Variants in PPP3CC observed in about 807,000 individuals in gnomAD.
The protein encoded by PPP3CC is serine/threonine-protein phosphatase 2B catalytic subunit gamma isoform.
Under a neutral mutation model 60.3 loss-of-function variants are expected in PPP3CC, and 35 were observed. The ratio of observed to expected loss-of-function variants is 0.58; its 90% CI spans 0.44 to 0.77. The LOEUF is 0.77. Ranked by LOEUF, PPP3CC falls within the 30% of genes least tolerant of loss-of-function variation. The pLI, the probability that PPP3CC is intolerant of heterozygous loss-of-function variation, is 0.00. For missense variants in PPP3CC, 570 were observed against 628.9 expected (o/e 0.91, Z 1.00); for synonymous variants, 206 against 224.3 (o/e 0.92, Z 0.73).
intron 5 of PPP3CC, 39 bp downstream of exon 5, chr8:22,511,270 A>T (rs1195115268): frequency 1.3e-6 from 2 of 1,587,022 alleles, no homozygotes; most frequent in South Asian, 1.1e-5. Flanking sequence ...GAATATTTTT[A>T]AAATGTGTTG....
intron 1 of PPP3CC, among the ~76,000 whole-genome samples, chr8:22,448,441 G>A (rs745314915): frequency 6.7e-6 from 1 of 149,344 alleles, no homozygotes; most frequent in Non-Finnish European, 1.5e-5. Flanking sequence ...ATGCAATAGC[G>A]TGATCTCGGC....
chr8:22,498,412 C>G (rs1838654360), intron 4 of PPP3CC, among the ~76,000 whole-genome samples: 1 of 152,102 alleles, frequency 6.6e-6, no homozygotes, highest in Non-Finnish European at 1.5e-5. Flanking sequence ...CCACTCTACT[C>G]CAGCCTGGGC....
chr8:22,490,940 A>G (rs1838385772), intron 3 of PPP3CC, among the ~76,000 whole-genome samples: 1 of 152,194 alleles, frequency 6.6e-6, no homozygotes, highest in East Asian at 1.9e-4. Flanking sequence ...TTATAGCAGC[A>G]TGACTTATAA....
At chr8:22,491,765 T>G (rs1451836905) in intron 3 of PPP3CC, among the ~76,000 whole-genome samples, 1 of 152,174 alleles carries the variant, frequency 6.6e-6, no homozygotes, top group African/African-American at 2.4e-5. Flanking sequence ...TTTGATGTAA[T>G]TTGATTAAAG....
Position 22,441,206 on chromosome 8 carries a change from T to C in PPP3CC, c.-204T>C. On this transcript the variant is annotated 5_prime_UTR_variant, in exon 1 of 14. Transcript: ENST00000240139. ...TGGCGCCTCCCAAGAGAGCGGCCGG[T>C]GGGCCCTCGTCCTGTCAGTGGCGTC... is the stretch of plus-strand genomic sequence containing the variant. The C allele has an allele frequency of 2.3e-6, 1 of 434,006 alleles. No homozygotes were observed. The highest frequency in any genetic ancestry group is 4.0e-6 in the Non-Finnish European group (1 of 248,306). 26.9% of individuals were successfully genotyped at this position (434,006 alleles called of 1,614,324 possible).
intron 6 of PPP3CC, among the ~76,000 whole-genome samples, chr8:22,515,891 A>T (rs912047448): frequency 3.3e-5 from 5 of 150,534 alleles, no homozygotes; most frequent in Non-Finnish European, 5.9e-5. Flanking sequence ...GGATAGTAAA[A>T]AGTCTTTTTT....
chr8:22,504,922 A>G (rs1211721019), intron 4 of PPP3CC, among the ~76,000 whole-genome samples: 1 of 151,578 alleles, frequency 6.6e-6, no homozygotes, highest in East Asian at 1.9e-4. Flanking sequence ...TTTTCTTTGA[A>G]GGAACCTCGT....
chr8:22,508,624 TATCAATGTAAGATGTTATGGAGCATAA>T (rs1306696899), intron 4 of PPP3CC, among the ~76,000 whole-genome samples: 1 of 152,204 alleles, frequency 6.6e-6, no homozygotes, highest in Admixed American at 6.6e-5. Context: ...GAAAGGCATT[TATCAATGTAAGATGTTATGGAGCATAA>T]ATTAATAAGT....
intron 6 of PPP3CC, among the ~76,000 whole-genome samples, chr8:22,517,113 C>T (rs969383867): frequency 6.6e-6 from 1 of 152,146 alleles, no homozygotes; most frequent in African/African-American, 2.4e-5. Context: ...TAGAATGTAG[C>T]TACTGGGAAT....
chr8:22,444,544 G>T (rs987870269), intron 1 of PPP3CC, among the ~76,000 whole-genome samples: 3 of 152,162 alleles, frequency 2.0e-5, no homozygotes, highest in Non-Finnish European at 4.4e-5. Context: ...GTGAAATCTC[G>T]TCGGTAACAA....
At chr8:22,530,829 CAAAAAAAAAAA>C (rs58626647) in intron 10 of PPP3CC, among the ~76,000 whole-genome samples, 1,444 of 58,138 alleles carry the variant, frequency 0.025, 28 homozygotes, top group African/African-American at 0.071. Flanking sequence ...AGACTCATCT[CAAAAAAAAAAA>C]AAAAAAAAAA....
At chr8:22,477,620 G>A (rs950105553) in intron 3 of PPP3CC, among the ~76,000 whole-genome samples, 1 of 152,026 alleles carries the variant, frequency 6.6e-6, no homozygotes, top group African/African-American at 2.4e-5. Context: ...TTCTAATTAG[G>A]CATTTTATTT....
chr8:22,519,302 A>G (rs1014474332), intron 6 of PPP3CC, among the ~76,000 whole-genome samples: 1 of 152,176 alleles, frequency 6.6e-6, no homozygotes, highest in Admixed American at 6.5e-5. Context: ...TGTAGACAGC[A>G]TGTAGTTGGG....
chr8:22,489,895 C>G (rs988367907), intron 3 of PPP3CC, among the ~76,000 whole-genome samples: 1 of 150,774 alleles, frequency 6.6e-6, no homozygotes, highest in Non-Finnish European at 1.5e-5. Flanking sequence ...GATCTCAGCT[C>G]ACTGCAACCT....
At chr8:22,512,874 C>T (rs1005428549) in intron 5 of PPP3CC, among the ~76,000 whole-genome samples, 1 of 151,974 alleles carries the variant, frequency 6.6e-6, no homozygotes, top group African/African-American at 2.4e-5. Flanking sequence ...GTCAGGAGTT[C>T]GAGACCAGCC....
rs1442386624 is a variant in PPP3CC, at chr8:22,511,188, G to C, written c.587G>C (p.Gly196Ala). Residue 196 changes from glycine to alanine, a missense_variant, in exon 5 of 14, where the codon GGA (glycine) becomes GCA (alanine). Gly to Ala is a moderately conservative substitution (Grantham distance 60). Transcript: ENST00000240139. ...AACCAGCAGTTTCTCTGTGTACATG[G>C]AGGAATGTCACCTGAAATTACTTCT... ...LLNQQFLCVH[G>A]GMSPEITSLD... 6.2e-7 allele frequency: 1 copy of C among 1,613,674 alleles called. No homozygotes were observed. The highest frequency in any genetic ancestry group is 1.1e-5 in the South Asian group (1 of 91,068).
In PPP3CC at chr8:22,461,180, A is replaced by G. The variant is rs987362563; in HGVS notation, c.50-13774A>G. Among the ~76,000 whole-genome samples the G allele has an allele frequency of 7.9e-5, 12 of 152,220 alleles. No homozygotes were observed. The South Asian group carries it at 8.3e-4, about 11-fold the overall frequency. On this transcript the variant is annotated intron_variant, in intron 1 of 13. Coordinates refer to ENST00000240139, the MANE Select transcript of PPP3CC (RefSeq NM_005605.5). ...CTTTATTTACAGCACTTTGTGAGCC[A>G]TATTTAGCAAACATAGTTCCACATA...
At chr8:22,527,603 A>G in intron 9 of PPP3CC, 86 bp downstream of exon 9, 4 of 1,445,884 alleles carry the variant, frequency 2.8e-6, no homozygotes, top group Non-Finnish European at 3.7e-6. Flanking sequence ...TGATTCAGAA[A>G]TGTTTTCTAA....
Position 22,540,877 on chromosome 8 carries a change from A to G in PPP3CC, c.*75A>G. The G allele has an allele frequency of 7.5e-7, 1 of 1,332,444 alleles. No individual in the cohort carries two copies. Among genetic ancestry groups the G allele is most frequent in the South Asian group, 1.8e-5 (1 of 55,808 alleles). The allele number at this position is 1,332,444 out of a possible 1,614,324, so 82.5% of individuals were successfully genotyped here. A position where few individuals can be genotyped will look rare whatever the true frequency, so the allele number is the denominator to read the frequency against. ...CTATTTATTTATTATTGGAAAATGA[A>G]AAGCAACTCAAAACAACTTCAACGT... On this transcript the variant is annotated 3_prime_UTR_variant, in exon 14 of 14. Transcript: ENST00000240139.
Sources: allele counts gnomAD v4.1 joint callset (sites outside exome capture counted in the v4.1 genomes callset), GRCh38; gene constraint gnomAD v4.1.1; transcripts MANE v1.5; gene names NCBI Gene and HGNC (gene_info 2026-07-23, HGNC 2026-07-21).